Variants in PLD1 observed in about 807,000 individuals in gnomAD.
The protein encoded by PLD1 is choline phosphatase 1.
In PLD1, 112 loss-of-function variants were observed where a neutral mutation model predicts 137.1. That is an observed-to-expected ratio of 0.82 (90% CI 0.70 to 0.96). The LOEUF (loss-of-function observed/expected upper bound fraction) is 0.96, where lower values mean the gene tolerates loss of function less well. Among genes scored for constraint, PLD1 ranks in the 40% least tolerant of loss-of-function variants. The probability of loss-of-function intolerance (pLI) is 0.00; values close to 1 mark genes in which losing one functional copy is unlikely to be tolerated. For missense variants in PLD1, 1,321 were observed against 1,342.0 expected, an observed-to-expected ratio of 0.98 and a Z score of 0.24; for synonymous variants, 431 against 454.7, an observed-to-expected ratio of 0.95 and a Z score of 0.66.
At position 171,620,422 on chromosome 3, in the gene PLD1, T is replaced by A; in HGVS notation, c.2692A>T (p.Lys898Ter). The change falls in exon 24 of 27, where the codon AAG becomes TAG. Residue 898 changes from lysine (K) to a stop codon, truncating the protein, a stop_gained. Coordinates refer to ENST00000351298, the MANE Select transcript of PLD1 (RefSeq NM_002662.5). LOFTEE classifies it high-confidence loss of function. Reference sequence around the variant, plus strand: ...GTGTTATCATCAGCAATTAACAACTTGCTGTGGACATAGATAAGCTCAGTT... The same window carrying A: ...GTGTTATCATCAGCAATTAACAACTAGCTGTGGACATAGATAAGCTCAGTT... ...LVTELIYVHS[K>*]LLIADDNTVI... is the part of the protein sequence containing the mutation. The A allele has an allele frequency of 6.3e-7, 1 of 1,598,816 alleles. No individual in the cohort carries two copies. Among genetic ancestry groups the A allele is most frequent in the East Asian group, 2.2e-5 (1 of 44,708 alleles).
chr3:171,673,288 CT>C (rs569232492), intron 19 of PLD1, among the ~76,000 whole-genome samples: 2,073 of 146,956 alleles, frequency 0.014, 46 homozygotes, highest in African/African-American at 0.045. Context: ...AGCAGCTTAT[CT>C]TTTTTTTTTT....
intron 6 of PLD1, among the ~76,000 whole-genome samples, chr3:171,731,715 T>C (rs1718962807): frequency 6.6e-6 from 1 of 151,570 alleles, no homozygotes; most frequent in African/African-American, 2.4e-5. Context: ...GCGGTTGCAG[T>C]GAGCCGAGAT....
chr3:171,746,596 C>T (rs922893574), intron 1 of PLD1, among the ~76,000 whole-genome samples: 7 of 152,130 alleles, frequency 4.6e-5, no homozygotes, highest in African/African-American at 1.7e-4. Context: ...TTTGTAAATA[C>T]ACCAGTCAGT....
At position 171,676,846 on chromosome 3, in the gene PLD1, A is replaced by AC; in HGVS notation, c.1997-14dup. 2 of 1,567,986 alleles carry AC rather than the reference A, an allele frequency of 1.3e-6. No homozygotes were observed. The highest frequency in any genetic ancestry group is 1.8e-6 in the Non-Finnish European group (2 of 1,138,252). ...CTGTCAATGAAATCTGCCCGGGTGC[A>AC]CCAGGCAAGGATCAGTCATTAACTT... is the stretch of plus-strand genomic sequence containing the variant. On this transcript the variant is annotated splice_polypyrimidine_tract_variant and intron_variant, in intron 17 of 26. Transcript: ENST00000351298.
intron 21 of PLD1, among the ~76,000 whole-genome samples, chr3:171,657,272 A>G (rs1248229331): frequency 6.6e-6 from 1 of 152,234 alleles, no homozygotes; most frequent in Non-Finnish European, 1.5e-5. Flanking sequence ...ATCACATAAA[A>G]TGCTGATAGT....
At chr3:171,805,158 C>T (rs146833734) in intron 1 of PLD1, among the ~76,000 whole-genome samples, 104 of 152,176 alleles carry the variant, frequency 6.8e-4, no homozygotes, top group African/African-American at 2.4e-3. Context: ...TTTTTATTTC[C>T]ATGTTGCTTT....
At position 171,659,251 on chromosome 3, in the gene PLD1, T is replaced by C. The variant is rs140049612; in HGVS notation, c.2391A>G (p.Ile797Met). 1.9e-4 allele frequency: 304 copies of C among 1,613,714 alleles called. No individual in the cohort carries two copies. Among genetic ancestry groups the C allele is most frequent in the Non-Finnish European group, 2.4e-4 (280 of 1,179,636 alleles). The change falls in exon 21 of 27, where the codon ATA (isoleucine) becomes ATG (methionine). Residue 797 changes from isoleucine (I) to methionine (M), a missense_variant. Physicochemically the swap from Ile to Met is conservative, Grantham distance 10. Coordinates refer to ENST00000351298, the MANE Select transcript of PLD1 (RefSeq NM_002662.5). ...CADDKVVFNK[I>M]GDAIAQRILK... ...GGATCCTCTGGGCAATGGCATCGCC[T>C]ATCTTGTTGAACACAACTTTGTCAT...
chr3:171,612,230 G>A lies in PLD1; in HGVS notation c.2882+49C>T, dbSNP rs368583504. ...AGGGCTAGCGGGGCTGGGTCCCAGC[G>A]ACTGCTGCAGTGGAAATGCATCAGA... is the stretch of plus-strand genomic sequence containing the variant. On this transcript the variant is annotated intron_variant, in intron 25 of 26. Transcript: ENST00000351298. The surrounding 1 kb of genome is among the most constrained non-coding windows in gnomAD (Gnocchi z 4.1). 2.4e-5 allele frequency: 38 copies of A among 1,579,124 alleles called. No homozygotes were observed. The African/African-American group carries it at 2.7e-4, about 11-fold the overall frequency.
At chr3:171,781,132 A>G (rs7631361) in intron 1 of PLD1, among the ~76,000 whole-genome samples, 130,933 of 152,048 alleles carry the variant, frequency 0.86, 56,704 homozygotes, top group Middle Eastern at 0.96. Context: ...AGATCAATAC[A>G]ACAGGATAGA....
At chr3:171,759,602 C>A (rs555223967) in intron 1 of PLD1, among the ~76,000 whole-genome samples, 34 of 152,268 alleles carry the variant, frequency 2.2e-4, no homozygotes, top group South Asian at 8.3e-4. Flanking sequence ...GAAAAGGGAA[C>A]CTTCTAGTTT....
At chr3:171,714,147 T>C in intron 8 of PLD1, 102 bp from the exon 9 acceptor site, 1 of 679,882 alleles carries the variant, frequency 1.5e-6, no homozygotes, top group Non-Finnish European at 2.5e-6. Context: ...TGGCAGACTG[T>C]AGACATAATT....
In PLD1 at chr3:171,676,710, A is replaced by G; in HGVS notation, c.2115+5T>C. ...GGATAAATCATGATAGCAACATCCA[A>G]GTACTTTTGTGAAGTTCCAGCGCTG... On this transcript the variant is annotated splice_donor_5th_base_variant and intron_variant, in intron 18 of 26. Coordinates refer to ENST00000351298, the MANE Select transcript of PLD1 (RefSeq NM_002662.5). 1 of 1,606,208 alleles carries G rather than the reference A, an allele frequency of 6.2e-7. No individual in the cohort carries two copies. The highest frequency in any genetic ancestry group is 1.1e-5 in the South Asian group (1 of 90,900).
chr3:171,682,978 A>C (rs192237454), intron 16 of PLD1, among the ~76,000 whole-genome samples: 1 of 152,366 alleles, frequency 6.6e-6, no homozygotes, highest in African/African-American at 2.4e-5. Context: ...GTGGGAAAAA[A>C]ATAAATCACC....
At chr3:171,745,694 C>T (rs1297116375) in intron 1 of PLD1, among the ~76,000 whole-genome samples, 1 of 152,212 alleles carries the variant, frequency 6.6e-6, no homozygotes, top group East Asian at 1.9e-4. Context: ...TACAGGGAAG[C>T]AAGTCACACA....
At chr3:171,777,252 G>A (rs537973688) in intron 1 of PLD1, among the ~76,000 whole-genome samples, 3 of 152,312 alleles carry the variant, frequency 2.0e-5, no homozygotes, top group African/African-American at 7.2e-5. Flanking sequence ...AGTGAAAATT[G>A]TTGTGTGTGA....
chr3:171,809,466 A>T (rs1380286911), intron 1 of PLD1: 1 of 152,192 alleles, frequency 6.6e-6, no homozygotes, highest in Non-Finnish European at 1.5e-5. Flanking sequence ...TTGGAGGCCC[A>T]CGAAGGCTTA....
intron 12 of PLD1, among the ~76,000 whole-genome samples, chr3:171,697,557 C>T (rs1188134505): frequency 1.3e-5 from 2 of 152,136 alleles, no homozygotes; most frequent in African/African-American, 4.8e-5. Flanking sequence ...AAAGCCTCTG[C>T]ATCCCAGCTG....
chr3:171,697,403 C>T (rs1197651655), intron 12 of PLD1, among the ~76,000 whole-genome samples: 1 of 151,956 alleles, frequency 6.6e-6, no homozygotes, highest in African/African-American at 2.4e-5. Flanking sequence ...CGCCACCATG[C>T]CCGGCTAATT....
intron 16 of PLD1, among the ~76,000 whole-genome samples, 184 bp downstream of exon 16, chr3:171,686,501 C>T (rs1714571685): frequency 6.6e-6 from 1 of 152,158 alleles, no homozygotes; most frequent in Non-Finnish European, 1.5e-5. Context: ...GCTATAAGTT[C>T]TTAGGGAGTA....
Sources: gnomAD v4.1 joint callset for allele counts (sites outside exome capture counted in the v4.1 genomes callset) on GRCh38, gnomAD v4.1.1 for gene constraint, Gnocchi (gnomAD v3.1) non-coding constraint, MANE v1.5 for transcripts, NCBI Gene and HGNC (gene_info 2026-07-23, HGNC 2026-07-21) for gene names.